The following SND1 variants were observed in gnomAD, a reference collection of about 807,000 sequenced individuals.
The protein encoded by SND1 is staphylococcal nuclease domain-containing protein 1.
Under a neutral mutation model 121.7 loss-of-function variants are expected in SND1, and 38 were observed. The observed-to-expected ratio is 0.31, with a 90% CI of 0.24 to 0.41. The LOEUF is 0.41. Among genes scored for constraint, SND1 ranks in the 10% least tolerant of loss-of-function variants. SND1 has a pLI of 1.00. For synonymous variants in SND1, 401 were observed against 447.4 expected, an observed-to-expected ratio of 0.90 and a Z score of 1.31; for missense variants, 868 against 1,184.6, an observed-to-expected ratio of 0.73 and a Z score of 3.92.
intron 16 of SND1, among the ~76,000 whole-genome samples, 165 bp downstream of exon 16, chr7:127,991,221 T>G (rs1584720834): frequency 6.6e-6 from 1 of 152,312 alleles, no homozygotes; most frequent in South Asian, 2.1e-4. Context: ...GAGCGCTGCT[T>G]CATTGGCCAG....
intron 10 of SND1, among the ~76,000 whole-genome samples, chr7:127,742,209 A>G (rs559696261): frequency 2.0e-5 from 3 of 152,306 alleles, no homozygotes; most frequent in African/African-American, 4.8e-5. Flanking sequence ...GCCAGAACTG[A>G]TGAGTCGAGA....
chr7:127,839,450 C>G (rs1326398105), intron 11 of SND1, among the ~76,000 whole-genome samples: 2 of 152,152 alleles, frequency 1.3e-5, no homozygotes, highest in African/African-American at 4.8e-5. Context: ...CCTACCTCCT[C>G]TAACCTTTTA....
chr7:127,715,024 A>T (rs1314345891), intron 9 of SND1, among the ~76,000 whole-genome samples: 3 of 152,180 alleles, frequency 2.0e-5, no homozygotes, highest in Admixed American at 2.0e-4. Flanking sequence ...CAAAAATGGA[A>T]TTGCTGGATT....
chr7:127,860,977 T>C (rs1799367755), intron 12 of SND1, among the ~76,000 whole-genome samples: 2 of 152,196 alleles, frequency 1.3e-5, no homozygotes, highest in South Asian at 2.1e-4. Flanking sequence ...ATAATGTGTA[T>C]TTTGATGACC....
intron 9 of SND1, among the ~76,000 whole-genome samples, chr7:127,711,215 G>A (rs1157103546): frequency 6.6e-6 from 1 of 152,148 alleles, no homozygotes; most frequent in Admixed American, 6.5e-5. Context: ...TTGGAGCTAG[G>A]ATTGCTGGAT....
In SND1 at chr7:127,782,119, A is replaced by G. The variant is rs1244848344; in HGVS notation, c.1153-25365A>G. ...CTGCCTGGCTGGATCCTCAGTAACT[A>G]TTCTTAGTCCAGTGCCTTATTTACC... On this transcript the variant is annotated intron_variant, in intron 10 of 23. Coordinates refer to ENST00000354725, the MANE Select transcript of SND1 (RefSeq NM_014390.4). Among the ~76,000 whole-genome samples, 4 of 152,190 alleles carry G rather than the reference A, an allele frequency of 2.6e-5. No individual in the cohort carries two copies. In the East Asian group the frequency reaches 7.7e-4, roughly 29 times the overall value.
At chr7:128,039,789 C>T (rs139602573) in intron 16 of SND1, among the ~76,000 whole-genome samples, 1 of 152,276 alleles carries the variant, frequency 6.6e-6, no homozygotes, top group Non-Finnish European at 1.5e-5. Context: ...AACACCAGGA[C>T]AGTAAGATCA....
At chr7:127,899,697 T>C (rs1175099297) in intron 13 of SND1, among the ~76,000 whole-genome samples, 1 of 152,014 alleles carries the variant, frequency 6.6e-6, no homozygotes, top group Non-Finnish European at 1.5e-5. Flanking sequence ...TATTGAGAAG[T>C]GATGTGGGAG....
At position 127,704,903 on chromosome 7, in the gene SND1, C is replaced by T; in HGVS notation, c.905C>T (p.Ala302Val). The T allele has an allele frequency of 1.9e-6, 3 of 1,614,074 alleles. No homozygotes were observed. Among genetic ancestry groups the T allele is most frequent in the Non-Finnish European group, 2.5e-6 (3 of 1,179,964 alleles). ...GCACGCTGTGTGGACTGGTCGATTG[C>T]AGTTTACACCCGGGGCGCAGAAAAG... ...GFARCVDWSIAVYTRGAEKLR... is the reference protein window; with the variant it reads ...GFARCVDWSIVVYTRGAEKLR... Residue 302 changes from alanine to valine, a missense_variant, in exon 8 of 24, where the codon GCA becomes GTA. Ala to Val is a moderately conservative substitution (Grantham distance 64, BLOSUM62 0). Transcript: ENST00000354725.
intron 9 of SND1, among the ~76,000 whole-genome samples, chr7:127,719,760 C>T (rs1796457186): frequency 6.6e-6 from 1 of 152,208 alleles, no homozygotes; most frequent in South Asian, 2.1e-4. Flanking sequence ...TTCTTCTCTA[C>T]ACTGCTTTCA....
intron 16 of SND1, among the ~76,000 whole-genome samples, chr7:128,039,750 G>C (rs1396337432): frequency 6.6e-6 from 1 of 152,146 alleles, no homozygotes; most frequent in East Asian, 1.9e-4. Flanking sequence ...TCTCCAAAGG[G>C]AGTGGGGGCT....
chr7:127,854,478 G>GT (rs950305903), intron 12 of SND1, among the ~76,000 whole-genome samples: 1 of 152,036 alleles, frequency 6.6e-6, no homozygotes, highest in African/African-American at 2.4e-5. Context: ...TGGGGACCTT[G>GT]TAAAGGATGG....
chr7:128,070,510 T>A lies in SND1; in HGVS notation c.1780-3992T>A, dbSNP rs1793392138. 2.6e-5 allele frequency among the ~76,000 whole-genome samples: 4 copies of A among 152,188 alleles called. No homozygotes were observed. The South Asian group carries it at 8.3e-4, about 32-fold the overall frequency. On this transcript the variant is annotated intron_variant, in intron 16 of 23. Coordinates refer to ENST00000354725, the MANE Select transcript of SND1 (RefSeq NM_014390.4). ...ATAGGAGGCCTCCTGTGGAAGCTAT[T>A]GAGTCCAGAGCTCTTCCTGAAACAC...
intron 10 of SND1, among the ~76,000 whole-genome samples, chr7:127,721,624 C>T (rs987444326): frequency 5.9e-5 from 9 of 152,150 alleles, no homozygotes; most frequent in African/African-American, 1.9e-4. Context: ...TTCACGTGGG[C>T]ACTGTTGGCA....
intron 10 of SND1, among the ~76,000 whole-genome samples, chr7:127,777,486 T>G (rs1797642712): frequency 6.6e-6 from 1 of 152,114 alleles, no homozygotes; most frequent in Non-Finnish European, 1.5e-5. Context: ...ATTGGATAAA[T>G]TGAAGAGGAA....
chr7:127,920,536 G>A (rs1164069009), intron 14 of SND1, among the ~76,000 whole-genome samples: 1 of 152,100 alleles, frequency 6.6e-6, no homozygotes, highest in Non-Finnish European at 1.5e-5. Flanking sequence ...AGAAGTTAGA[G>A]TATGGAAAAA....
At chr7:127,937,310 A>G (rs1584679435) in intron 15 of SND1, among the ~76,000 whole-genome samples, 1 of 152,238 alleles carries the variant, frequency 6.6e-6, no homozygotes, top group African/African-American at 2.4e-5. Flanking sequence ...GGGAGTTCCC[A>G]TGTGGATCAC....
rs1403855949 is a variant in SND1, at chr7:127,705,570, AAGATGTAGATGCAGATGTAGATGT to A, written c.947+637_947+660del. 9.5e-3 allele frequency among the ~76,000 whole-genome samples: 1,384 copies of A among 146,172 alleles called. 12 individuals carry two copies. Among genetic ancestry groups the A allele is most frequent in the African/African-American group, 0.021 (828 of 39,048 alleles). On this transcript the variant is annotated intron_variant, in intron 8 of 23. Transcript: ENST00000354725. Reference sequence around the variant, plus strand: ...AGTCGACATTTCAACTGTCAGCGTCAAGATGTAGATGCAGATGTAGATGTAGATGTAGATGTAGATGTAGATGTA... The same window carrying A: ...AGTCGACATTTCAACTGTCAGCGTCAAGATGTAGATGTAGATGTAGATGTA...
chr7:127,667,151 A>G (rs950304482), intron 1 of SND1, among the ~76,000 whole-genome samples: 10 of 152,158 alleles, frequency 6.6e-5, no homozygotes, highest in South Asian at 2.1e-4. Flanking sequence ...CTCAAGCTCT[A>G]TGGTCAGCTC....
Sources: allele counts gnomAD v4.1 joint callset (sites outside exome capture counted in the v4.1 genomes callset), GRCh38; gene constraint gnomAD v4.1.1; transcripts MANE v1.5; gene names NCBI Gene and HGNC (gene_info 2026-07-23, HGNC 2026-07-21).